The following DOCK11 variants were observed in gnomAD, a reference collection of about 807,000 sequenced individuals.
DOCK11 encodes dedicator of cytokinesis protein 11.
A neutral mutation model predicts 169.1 loss-of-function variants in DOCK11; 70 were observed. The ratio of observed to expected loss-of-function variants is 0.41; its 90% CI spans 0.34 to 0.51. The LOEUF is 0.51. Among genes scored for constraint, DOCK11 ranks in the 20% least tolerant of loss-of-function variants. The pLI is 0.10. For synonymous variants in DOCK11, 529 were observed against 541.3 expected (o/e 0.98, Z 0.32); for missense variants, 1,166 against 1,538.8 (o/e 0.76, Z 4.05).
rs771904858 is a variant in DOCK11, at chrX:118,584,885, T to C, written c.1718+28T>C. 6 of 1,170,149 alleles carry C rather than the reference T, an allele frequency of 5.1e-6. No individual in the cohort carries two copies. The South Asian group carries it at 1.2e-4, about 23-fold the overall frequency. ...AAGTGTTTGGTGTTTCTGCAATAAGTAAATATAATAGATGAATCCTCAGTT... is the reference window on the plus strand; with the variant it reads ...AAGTGTTTGGTGTTTCTGCAATAAGCAAATATAATAGATGAATCCTCAGTT... On this transcript the variant is annotated intron_variant, in intron 15 of 52. Transcript: ENST00000276202.
At chrX:118,516,356 A>G (rs1199564290) in intron 1 of DOCK11, among the ~76,000 whole-genome samples, 1 of 104,822 alleles carries the variant, frequency 9.5e-6, no homozygotes, top group African/African-American at 3.5e-5. Context: ...CGGCCTCCCA[A>G]AGTGCTGGGA....
chrX:118,583,650 A>G (rs2013725801), intron 14 of DOCK11, among the ~76,000 whole-genome samples: 1 of 111,051 alleles, frequency 9.0e-6, no homozygotes, highest in African/African-American at 3.3e-5. Flanking sequence ...TCAAGTTCAT[A>G]TAGGAAACTA....
chrX:118,608,269 C>T lies in DOCK11; in HGVS notation c.2790C>T (p.Ala930=). The change falls in exon 26 of 53, where the codon GCC becomes GCT. Residue 930 remains alanine (A), a synonymous_variant. Transcript: ENST00000276202. ...CTGAAAAACCGAGTGCTCCTCAGGCCCAGCTGATACATGAAACCCTGGCTA... is the reference window on the plus strand; with the variant it reads ...CTGAAAAACCGAGTGCTCCTCAGGCTCAGCTGATACATGAAACCCTGGCTA... ...FRPEKPSAPQ[A]QLIHETLATT... is the part of the protein sequence containing the mutation. The T allele has an allele frequency of 8.3e-7, 1 of 1,210,008 alleles. No homozygotes were observed. Among genetic ancestry groups the T allele is most frequent in the African/African-American group, 1.7e-5 (1 of 57,596 alleles).
Position 118,563,700 on chromosome X carries a change from A to C in DOCK11, c.693+2183A>C, listed in dbSNP as rs191200964. Reference sequence around the variant, plus strand: ...CTTTTTATTTTTATTATCATTTAAAAAATTTTTTTCTTTTCTTTTTTTTTT... The same window carrying C: ...CTTTTTATTTTTATTATCATTTAAACAATTTTTTTCTTTTCTTTTTTTTTT... On this transcript the variant is annotated intron_variant, in intron 7 of 52. Transcript: ENST00000276202. 0.011 allele frequency among the ~76,000 whole-genome samples: 1,194 copies of C among 107,814 alleles called. 39 individuals are homozygous for C. The East Asian group carries it at 0.11, about 10-fold the overall frequency. The allele number at this position is 107,814 out of a possible 115,157, so 93.6% of individuals were successfully genotyped here. A position where few individuals can be genotyped will look rare whatever the true frequency, so the allele number is the denominator to read the frequency against.
At chrX:118,625,540 T>G (rs750270593) in intron 32 of DOCK11, among the ~76,000 whole-genome samples, 1 of 112,029 alleles carries the variant, frequency 8.9e-6, no homozygotes, top group African/African-American at 3.2e-5. Flanking sequence ...GTCCAAAGAT[T>G]GCACTTTGGA....
intron 6 of DOCK11, among the ~76,000 whole-genome samples, chrX:118,550,330 T>C (rs1165004319): frequency 1.8e-5 from 2 of 110,479 alleles, no homozygotes; most frequent in Non-Finnish European, 3.8e-5. Context: ...TCCCAGGTAC[T>C]TGGGACATTG....
chrX:118,524,342 A>C (rs1005415622), intron 1 of DOCK11, among the ~76,000 whole-genome samples: 2 of 111,811 alleles, frequency 1.8e-5, no homozygotes, highest in Non-Finnish European at 3.8e-5. Flanking sequence ...CTAAAAATTC[A>C]ACCCATACCT....
chrX:118,506,023 TGG>T (rs2057608953), intron 1 of DOCK11, among the ~76,000 whole-genome samples: 1 of 111,847 alleles, frequency 8.9e-6, no homozygotes. Flanking sequence ...GAGGCTGAGC[TGG>T]GAGGATTGCT....
rs775588655 is a variant in DOCK11 at position 118,669,994 on chromosome X, G to C, written c.5077-1029G>C. Among the ~76,000 whole-genome samples the C allele has an allele frequency of 2.1e-4, 23 of 111,663 alleles. No homozygotes were observed. The East Asian group carries it at 6.5e-3, about 31-fold the overall frequency. On this transcript the variant is annotated intron_variant, in intron 45 of 52. Coordinates refer to ENST00000276202, the MANE Select transcript of DOCK11 (RefSeq NM_144658.4). ...TTGGATTGGGGCCCACCCTACTCCAGTATTGCTTCATCATAAATGATCATA... is the reference window on the plus strand; with the variant it reads ...TTGGATTGGGGCCCACCCTACTCCACTATTGCTTCATCATAAATGATCATA...
intron 3 of DOCK11, among the ~76,000 whole-genome samples, 190 bp downstream of exon 3, chrX:118,543,205 C>T (rs1005597935): frequency 1.8e-5 from 2 of 112,096 alleles, no homozygotes; most frequent in Admixed American, 9.4e-5. Context: ...AGTTTATATG[C>T]TGTTAACAAG....
chrX:118,507,972 G>A (rs1240902680), intron 1 of DOCK11, among the ~76,000 whole-genome samples: 1 of 110,100 alleles, frequency 9.1e-6, no homozygotes, highest in Non-Finnish European at 1.9e-5. Context: ...TTTCTGTGTG[G>A]TTTTGGTGAT....
chrX:118,565,874 G>C, intron 7 of DOCK11, 131 bp from the exon 8 acceptor site: 1 of 633,742 alleles, frequency 1.6e-6, no homozygotes. Flanking sequence ...CTTACTGAAA[G>C]AAGCAGTTAT....
At chrX:118,677,451 C>G (rs1698103856) in intron 48 of DOCK11, among the ~76,000 whole-genome samples, 1 of 111,963 alleles carries the variant, frequency 8.9e-6, no homozygotes, top group Non-Finnish European at 1.9e-5. Context: ...TGGGTGTGCC[C>G]AGACTTAGAG....
intron 7 of DOCK11, among the ~76,000 whole-genome samples, chrX:118,564,396 G>T (rs1249104906): frequency 1.8e-5 from 2 of 112,576 alleles, no homozygotes. Flanking sequence ...TGATTCATGA[G>T]CATTTCTTGA....
intron 26 of DOCK11, 135 bp downstream of exon 26, chrX:118,608,491 C>T: frequency 1.2e-6 from 1 of 810,110 alleles, no homozygotes; most frequent in Non-Finnish European, 1.7e-6. Context: ...CCCATGCATC[C>T]TTTTCCTGAA....
intron 1 of DOCK11, among the ~76,000 whole-genome samples, chrX:118,536,609 A>G (rs1180236919): frequency 8.9e-6 from 1 of 111,968 alleles, no homozygotes; most frequent in Non-Finnish European, 1.9e-5. Context: ...ACACACTTGT[A>G]CAGTTCCTTT....
intron 1 of DOCK11, among the ~76,000 whole-genome samples, chrX:118,531,336 T>C (rs2011548676): frequency 1.1e-5 from 1 of 92,128 alleles, no homozygotes; most frequent in Non-Finnish European, 2.1e-5. Flanking sequence ...ATGACTGTGG[T>C]CCCAGCTACT....
rs781516328 is a variant in DOCK11 at position 118,652,010 on chromosome X, G to A, written c.4628G>A (p.Gly1543Glu). Residue 1543 changes from glycine to glutamate, a missense_variant, in exon 42 of 53, where the codon GGA (glycine) becomes GAA (glutamate). Coordinates refer to ENST00000276202, the MANE Select transcript of DOCK11 (RefSeq NM_144658.4). ...CTGATAGCTGATGTAGCACTAAGCG[G>A]AGGATCAAGATTTCAGGAGTCTTTA... The part of the protein sequence containing the change: ...SQLIADVALS[G>E]GSRFQESLFI... The A allele has an allele frequency of 3.3e-6, 4 of 1,208,653 alleles. No individual in the cohort carries two copies. The highest frequency in any genetic ancestry group is 4.5e-6 in the Non-Finnish European group (4 of 893,730).
chrX:118,520,506 G>A (rs1254595519), intron 1 of DOCK11, among the ~76,000 whole-genome samples: 1 of 112,505 alleles, frequency 8.9e-6, no homozygotes, highest in East Asian at 2.8e-4. Context: ...GAAAAGAAAC[G>A]GAGTATATTA....
Sources: allele counts gnomAD v4.1 joint callset (sites outside exome capture counted in the v4.1 genomes callset), GRCh38; gene constraint gnomAD v4.1.1; transcripts MANE v1.5; gene names NCBI Gene and HGNC (gene_info 2026-07-23, HGNC 2026-07-21).